Variants in MAGI2 observed in about 807,000 individuals in gnomAD.
The protein encoded by MAGI2 is membrane-associated guanylate kinase, WW and PDZ domain-containing protein 2.
In MAGI2, 35 loss-of-function variants were observed where a neutral mutation model predicts 133.3. The observed-to-expected ratio is 0.26, with a 90% CI of 0.20 to 0.35. The LOEUF is 0.35. Ranked by LOEUF, MAGI2 falls within the 10% of genes least tolerant of loss-of-function variation. The pLI is 1.00. For missense variants in MAGI2, 1,636 were observed against 1,863.4 expected (o/e 0.88, Z 2.25); for synonymous variants, 729 against 710.6 (o/e 1.03, Z -0.41).
intron 9 of MAGI2, among the ~76,000 whole-genome samples, chr7:78,297,720 G>A (rs1265945062): frequency 1.3e-5 from 2 of 151,232 alleles, no homozygotes; most frequent in Admixed American, 1.3e-4. Context: ...TCAGTAAACT[G>A]TCACAAGAAC....
chr7:79,168,262 C>A (rs567576839), intron 1 of MAGI2, among the ~76,000 whole-genome samples: 1 of 151,964 alleles, frequency 6.6e-6, no homozygotes, highest in South Asian at 2.1e-4. Context: ...GTATCCCAAC[C>A]GAGCTGGTCT....
intron 1 of MAGI2, among the ~76,000 whole-genome samples, chr7:79,045,162 A>G (rs1267783707): frequency 6.6e-6 from 1 of 152,256 alleles, no homozygotes; most frequent in Non-Finnish European, 1.5e-5. Flanking sequence ...TATCATTTAT[A>G]TAAAAGTAAA....
chr7:78,720,630 C>A (rs1820173160), intron 2 of MAGI2, among the ~76,000 whole-genome samples: 1 of 151,980 alleles, frequency 6.6e-6, no homozygotes, highest in Non-Finnish European at 1.5e-5. Flanking sequence ...CCACCATATA[C>A]AAAGCAGCTT....
intron 1 of MAGI2, among the ~76,000 whole-genome samples, chr7:79,134,077 G>T (rs2129545547): frequency 6.6e-6 from 1 of 152,226 alleles, no homozygotes; most frequent in South Asian, 2.1e-4. Context: ...TATTAATAAT[G>T]TTAAACCAAA....
intron 14 of MAGI2, among the ~76,000 whole-genome samples, chr7:78,175,185 A>T (rs1055612652): frequency 1.3e-5 from 2 of 152,092 alleles, no homozygotes; most frequent in African/African-American, 4.8e-5. Context: ...GACTCACCCA[A>T]TTTTTTCCCC....
intron 10 of MAGI2, among the ~76,000 whole-genome samples, chr7:78,203,360 G>A (rs1175073394): frequency 1.3e-5 from 2 of 152,208 alleles, no homozygotes; most frequent in African/African-American, 4.8e-5. Flanking sequence ...TATAGAAAAT[G>A]TATAATCATC....
chr7:79,280,558 C>A (rs1835557631), intron 1 of MAGI2, among the ~76,000 whole-genome samples: 2 of 151,890 alleles, frequency 1.3e-5, no homozygotes, highest in Non-Finnish European at 2.9e-5. Context: ...GAAATTGATG[C>A]AGCAATACAT....
intron 2 of MAGI2, among the ~76,000 whole-genome samples, chr7:78,911,922 A>G (rs1208061763): frequency 6.6e-6 from 1 of 152,134 alleles, no homozygotes; most frequent in Non-Finnish European, 1.5e-5. Flanking sequence ...TACACCAGGG[A>G]ATACTATGAG....
chr7:79,001,506 T>C (rs753284163), intron 2 of MAGI2, among the ~76,000 whole-genome samples: 1 of 152,146 alleles, frequency 6.6e-6, no homozygotes, highest in Non-Finnish European at 1.5e-5. Context: ...GCTTCAAAAA[T>C]TAATTTGTGT....
chr7:78,463,968 A>AT, intron 6 of MAGI2, among the ~76,000 whole-genome samples: 1 of 152,286 alleles, frequency 6.6e-6, no homozygotes, highest in African/African-American at 2.4e-5. Flanking sequence ...AACAAGAGTG[A>AT]GTTAACCCAT....
intron 2 of MAGI2, among the ~76,000 whole-genome samples, chr7:78,917,199 T>C (rs1584384432): frequency 6.6e-6 from 1 of 152,046 alleles, no homozygotes; most frequent in Admixed American, 6.6e-5. Context: ...GAGTCTAAGG[T>C]ATTTTTTAAA....
chr7:78,961,691 T>A (rs1300542516), intron 2 of MAGI2, among the ~76,000 whole-genome samples: 1 of 152,092 alleles, frequency 6.6e-6, no homozygotes, highest in Non-Finnish European at 1.5e-5. Context: ...ACAAACTATA[T>A]CTGCTAGTTT....
intron 3 of MAGI2, 132 bp downstream of exon 3, chr7:78,626,988 T>A (rs529658223): frequency 1.3e-6 from 1 of 773,864 alleles, no homozygotes; most frequent in Non-Finnish European, 1.8e-6. Flanking sequence ...TTAGGATACA[T>A]TTCTAAACTC....
intron 6 of MAGI2, among the ~76,000 whole-genome samples, chr7:78,442,717 T>G (rs1250929072): frequency 2.0e-5 from 3 of 152,122 alleles, no homozygotes; most frequent in Non-Finnish European, 4.4e-5. Context: ...CGCTTTGTGC[T>G]ATTTATCAAT....
intron 3 of MAGI2, among the ~76,000 whole-genome samples, chr7:78,612,632 G>T (rs1163109250): frequency 6.6e-6 from 1 of 151,974 alleles, no homozygotes; most frequent in Non-Finnish European, 1.5e-5. Flanking sequence ...AGGATCTGAA[G>T]ATTAAAGAAG....
chr7:78,345,954 C>G lies in MAGI2; in HGVS notation c.1193G>C (p.Gly398Ala), dbSNP rs1329238206. The G allele has an allele frequency of 6.2e-7, 1 of 1,614,152 alleles. No homozygotes were observed. The highest frequency in any genetic ancestry group is 1.7e-5 in the Admixed American group (1 of 60,010). Reference protein sequence around the residue: ...QQHNMPHTELGTKPLQAPGFR... With the variant: ...QQHNMPHTELATKPLQAPGFR... ...ACCTGGGGCCTGCAGGGGCTTTGTT[C>G]CAAGTTCTGTGTGGGGCATGTTATG... Residue 398 changes from glycine to alanine, a missense_variant, in exon 8 of 22, where the codon GGA becomes GCA. Coordinates refer to ENST00000354212, the MANE Select transcript of MAGI2 (RefSeq NM_012301.4).
chr7:78,846,619 A>G (rs1458994611), intron 2 of MAGI2, among the ~76,000 whole-genome samples: 1 of 151,996 alleles, frequency 6.6e-6, no homozygotes, highest in Non-Finnish European at 1.5e-5. Flanking sequence ...TGAAGTGATA[A>G]TTTCCTAAAA....
At chr7:78,213,652 C>T (rs1007520438) in intron 10 of MAGI2, among the ~76,000 whole-genome samples, 1 of 152,190 alleles carries the variant, frequency 6.6e-6, no homozygotes, top group African/African-American at 2.4e-5. Flanking sequence ...GCCAACTGTT[C>T]GAATCGTGTT....
chr7:79,239,426 A>G (rs775423694), intron 1 of MAGI2, among the ~76,000 whole-genome samples: 2 of 152,196 alleles, frequency 1.3e-5, no homozygotes, highest in Non-Finnish European at 2.9e-5. Context: ...GCCGTATCAC[A>G]TGTCACTGAT....
Sources: gnomAD v4.1 joint callset for allele counts (sites outside exome capture counted in the v4.1 genomes callset) on GRCh38, gnomAD v4.1.1 for gene constraint, MANE v1.5 for transcripts, NCBI Gene and HGNC (gene_info 2026-07-23, HGNC 2026-07-21) for gene names.